The following ZNF808 variants were observed in gnomAD, a reference collection of about 807,000 sequenced individuals.
ZNF808 encodes the protein zinc finger protein 808.
Under a neutral mutation model 8.7 loss-of-function variants are expected in ZNF808, and 5 were observed. The ratio of observed to expected loss-of-function variants is 0.58; its 90% CI spans 0.30 to 1.21. The LOEUF is 1.21. ZNF808 is among the 50% of genes most tolerant of loss of function. The pLI is 0.07. For synonymous variants in ZNF808, 380 were observed against 366.0 expected (o/e 1.04, Z -0.44); for missense variants, 1,103 against 1,098.4 (o/e 1.00, Z -0.06).
At chr19:52,557,353 G>A (rs1422850355), downstream of ZNF808, among the ~76,000 whole-genome samples, 3 of 151,580 alleles carry the variant, frequency 2.0e-5, no homozygotes, top group Non-Finnish European at 4.4e-5. Context: ...TGCAACGTCT[G>A]CCTCCCGGGT....
downstream of ZNF808, among the ~76,000 whole-genome samples, chr19:52,568,399 G>T (rs1240590162): frequency 6.7e-6 from 1 of 148,310 alleles, no homozygotes; most frequent in African/African-American, 2.5e-5. Flanking sequence ...AAAACAAAAT[G>T]TGCTATACAA....
At chr19:52,536,242 CCG>C (rs1341511186) in intron 2 of ZNF808, among the ~76,000 whole-genome samples, 1 of 152,182 alleles carries the variant, frequency 6.6e-6, no homozygotes, top group Non-Finnish European at 1.5e-5. Flanking sequence ...GGTCCCAACC[CCG>C]GTCTTTCTGC....
chr19:52,561,482 G>A (rs2059858110), intron 3 of ZNF808, among the ~76,000 whole-genome samples: 1 of 151,736 alleles, frequency 6.6e-6, no homozygotes, highest in Non-Finnish European at 1.5e-5. Flanking sequence ...TGTGCAAATT[G>A]GGGTCATGTA....
chr19:52,533,774 C>T (rs997898476), intron 2 of ZNF808, among the ~76,000 whole-genome samples: 2 of 130,892 alleles, frequency 1.5e-5, no homozygotes, highest in African/African-American at 5.8e-5. Context: ...ACCTGAGAGG[C>T]AGAGGTTGCA....
downstream of ZNF808, among the ~76,000 whole-genome samples, chr19:52,558,342 G>A (rs8104668): frequency 8.8e-3 from 1,180 of 133,476 alleles, 8 homozygotes; most frequent in Middle Eastern, 0.045. Context: ...GATTACAGGC[G>A]TGAGCCACCG....
intron 2 of ZNF808, among the ~76,000 whole-genome samples, chr19:52,535,364 A>AGGAAAAGAG (rs1294031138): frequency 6.7e-6 from 1 of 148,636 alleles, no homozygotes; most frequent in African/African-American, 2.5e-5. Flanking sequence ...AAGAGAGAAA[A>AGGAAAAGAG]GGAAAAGAGC....
chr19:52,553,370 A>G lies in ZNF808; in HGVS notation c.454A>G (p.Ile152Val), dbSNP rs368967533. 1.6e-5 allele frequency: 26 copies of G among 1,614,104 alleles called. No homozygotes were observed. The highest frequency in any genetic ancestry group is 3.3e-4 in the Middle Eastern group (2 of 6,084). ...HDHRHAGNKP[I>V]KDQLGSSFYS... The stretch of plus-strand genomic sequence containing the variant: ...TCACAGGCATGCTGGAAACAAGCCT[A>G]TTAAAGATCAGCTTGGATCAAGCTT... The change falls in exon 5 of 5, where the codon ATT (isoleucine) becomes GTT (valine). Residue 152 changes from isoleucine to valine, a missense_variant. Transcript: ENST00000359798.
Position 52,554,935 on chromosome 19 carries a change from T to C in ZNF808, c.2019T>C (p.His673=), listed in dbSNP as rs780144800. 5.6e-6 allele frequency: 9 copies of C among 1,614,078 alleles called. No individual in the cohort carries two copies. The Admixed American group carries it at 1.3e-4, about 24-fold the overall frequency. ...CACTTGTATGGCATCGTAGACTTCA[T>C]GGTGGAGAGAAATCTTACAAATGTA... is the stretch of plus-strand genomic sequence containing the variant. The part of the protein sequence containing the change: ...KSSLVWHRRL[H]GGEKSYKCKV... The change falls in exon 5 of 5, where the codon CAT becomes CAC. Residue 673 remains histidine (H), a synonymous_variant. Transcript: ENST00000359798.
chr19:52,553,934 G>T lies in ZNF808; in HGVS notation c.1018G>T (p.Glu340Ter), dbSNP rs2059804804. ...LVIHKAIHTG[E>*]KPYKCNECGK... ...AATTCATAAGGCAATTCATACTGGAGAGAAACCTTACAAGTGTAATGAATG... is the reference window on the plus strand; with the variant it reads ...AATTCATAAGGCAATTCATACTGGATAGAAACCTTACAAGTGTAATGAATG... Residue 340 changes from glutamate (E) to a stop codon, truncating the protein, a stop_gained, in exon 5 of 5, where the codon GAG (glutamate) becomes TAG (stop). Transcript: ENST00000359798. LOFTEE classifies it low-confidence loss of function (END_TRUNC). 3 of 1,614,036 alleles carry T rather than the reference G, an allele frequency of 1.9e-6. No individual in the cohort carries two copies. The South Asian group carries it at 3.3e-5, about 18-fold the overall frequency.
In ZNF808 at chr19:52,554,354, G is replaced by A; in HGVS notation, c.1438G>A (p.Glu480Lys). 1 of 1,614,064 alleles carries A rather than the reference G, an allele frequency of 6.2e-7. No homozygotes were observed. The highest frequency in any genetic ancestry group is 8.5e-7 in the Non-Finnish European group (1 of 1,180,010). Residue 480 changes from glutamate to lysine, a missense_variant, in exon 5 of 5, where the codon GAG becomes AAG. Coordinates refer to ENST00000359798, the MANE Select transcript of ZNF808 (RefSeq NM_001039886.4). ...ACGACATAGAAGAATTCACACTGGA[G>A]AGAAAACTTACAAGTGTAATGAGTG... ...LARHRRIHTG[E>K]KTYKCNECRK...
chr19:52,533,858 A>G (rs2123072998), intron 2 of ZNF808, among the ~76,000 whole-genome samples: 1 of 151,180 alleles, frequency 6.6e-6, no homozygotes, highest in South Asian at 2.1e-4. Flanking sequence ...AAAAAAAAAA[A>G]AAAAAAAAAG....
chr19:52,543,278 A>G lies in ZNF808; in HGVS notation c.-7A>G. On this transcript the variant is annotated 5_prime_UTR_variant, in exon 3 of 5. Coordinates refer to ENST00000359798, the MANE Select transcript of ZNF808 (RefSeq NM_001039886.4). The stretch of plus-strand genomic sequence containing the variant: ...TTTTCACATACAGGATTGATTTCTA[A>G]AGACTCATGTTACGTGAGGAAGCAG... 1 of 1,613,614 alleles carries G rather than the reference A, an allele frequency of 6.2e-7. No homozygotes were observed. The highest frequency in any genetic ancestry group is 8.5e-7 in the Non-Finnish European group (1 of 1,179,738).
chr19:52,543,229 A>G (rs2059689386), intron 2 of ZNF808, 37 bp from the exon 3 acceptor site: 3 of 1,603,296 alleles, frequency 1.9e-6, no homozygotes, highest in African/African-American at 2.7e-5. Flanking sequence ...GGAGTGAGTC[A>G]TTTCTAACAT....
intron 2 of ZNF808, among the ~76,000 whole-genome samples, chr19:52,534,028 T>C (rs889475981): frequency 2.0e-5 from 3 of 152,194 alleles, no homozygotes; most frequent in African/African-American, 7.2e-5. Flanking sequence ...GTGCAACTTC[T>C]AGGAGTTTTC....
At chr19:52,564,161 T>G (rs2059866749) in exon 4 of ZNF808, 1 of 729,994 alleles carries the variant, frequency 1.4e-6, no homozygotes. Flanking sequence ...TGGATTCGAA[T>G]GAAAACTGGC....
At chr19:52,566,616 A>G (rs565153694), downstream of ZNF808, among the ~76,000 whole-genome samples, 68 of 152,310 alleles carry the variant, frequency 4.5e-4, no homozygotes, top group Non-Finnish European at 7.9e-4. Context: ...TTGGGGCAGA[A>G]GCTCAGTCTG....
intron 3 of ZNF808, among the ~76,000 whole-genome samples, chr19:52,543,747 A>T (rs1317733005): frequency 6.6e-6 from 1 of 152,218 alleles, no homozygotes; most frequent in African/African-American, 2.4e-5. Context: ...TGTGTGGTAA[A>T]TTCTGGGAAA....
In ZNF808 at chr19:52,554,830, G is replaced by A; in HGVS notation, c.1914G>A (p.Leu638=). ...CDTAFTWNSQ[L]ARHTRIHTGE... ...CAGCTTTCACGTGGAATTCACAGCTGGCACGACATACAAGAATTCACACTG... is the reference window on the plus strand; with the variant it reads ...CAGCTTTCACGTGGAATTCACAGCTAGCACGACATACAAGAATTCACACTG... Residue 638 remains leucine, a synonymous_variant, in exon 5 of 5, where the codon CTG becomes CTA. Coordinates refer to ENST00000359798, the MANE Select transcript of ZNF808 (RefSeq NM_001039886.4). 1.2e-6 allele frequency: 2 copies of A among 1,614,070 alleles called. No homozygotes were observed. Among genetic ancestry groups the A allele is most frequent in the Non-Finnish European group, 1.7e-6 (2 of 1,180,010 alleles).
At chr19:52,541,292 G>A (rs2059668142) in intron 2 of ZNF808, among the ~76,000 whole-genome samples, 1 of 150,470 alleles carries the variant, frequency 6.6e-6, no homozygotes, top group South Asian at 2.1e-4. Flanking sequence ...ATTTTTCATG[G>A]TGTGACATAG....
Sources: allele counts gnomAD v4.1 joint callset (sites outside exome capture counted in the v4.1 genomes callset), GRCh38; gene constraint gnomAD v4.1.1; transcripts MANE v1.5; gene names NCBI Gene and HGNC (gene_info 2026-07-23, HGNC 2026-07-21).